Variants in MTRFR observed in about 807,000 individuals in gnomAD.
The protein encoded by MTRFR is probable peptide chain release factor C12orf65, mitochondrial.
Under a neutral mutation model 11.9 loss-of-function variants are expected in MTRFR, and 10 were observed. That is an observed-to-expected ratio of 0.84 (90% CI 0.52 to 1.42). The LOEUF is 1.42. Among genes scored for constraint, MTRFR ranks in the 40% most tolerant of loss-of-function variants. MTRFR has a pLI of 0.00. For synonymous variants in MTRFR, 77 were observed against 79.1 expected (o/e 0.97, Z 0.14); for missense variants, 196 against 197.9 (o/e 0.99, Z 0.06).
In MTRFR at chr12:123,257,037, G is replaced by T. The variant is rs903846190; in HGVS notation, c.*6G>T. 1 of 1,605,214 alleles carries T rather than the reference G, an allele frequency of 6.2e-7. No individual in the cohort carries two copies. The highest frequency in any genetic ancestry group is 1.3e-5 in the African/African-American group (1 of 74,642). ...CAAGTAAAAAGGTCCACTGAGAAAA[G>T]AATTAGAGATTCCAACTGACAGAAT... On this transcript the variant is annotated 3_prime_UTR_variant, in exon 3 of 3. Transcript: ENST00000253233.
chr12:123,249,871 G>A (rs1197516147), intron 1 of MTRFR: 1 of 152,240 alleles, frequency 6.6e-6, no homozygotes, highest in Admixed American at 6.5e-5. Flanking sequence ...AGATCTTTTT[G>A]CAATGGATTT....
rs553467837 is a variant in MTRFR at position 123,245,187 on chromosome 12, C to T, written c.-28-8460C>T. Among the ~76,000 whole-genome samples, 16 of 152,180 alleles carry T rather than the reference C, an allele frequency of 1.1e-4. No individual in the cohort carries two copies. The East Asian group carries it at 1.7e-3, about 17-fold the overall frequency. ...TCCTGACCTCGTGATCCACCCTCCT[C>T]GGCCTCCCAAAGTGCTGGGATTACA... On this transcript the variant is annotated intron_variant, in intron 1 of 2. Coordinates refer to ENST00000253233, the MANE Select transcript of MTRFR (RefSeq NM_152269.5).
chr12:123,235,471 TCTC>T (rs1215020256), intron 1 of MTRFR, among the ~76,000 whole-genome samples: 8 of 151,776 alleles, frequency 5.3e-5, no homozygotes, highest in Non-Finnish European at 1.2e-4. Flanking sequence ...TTCACGCCAT[TCTC>T]CTGCCTTAGC....
chr12:123,253,405 T>G (rs1036463435), intron 1 of MTRFR: 35 of 449,392 alleles, frequency 7.8e-5, no homozygotes, highest in African/African-American at 7.0e-4. Context: ...AAGATATTTT[T>G]GGTCTATTGC....
chr12:123,253,578 T>A, intron 1 of MTRFR, 69 bp from the exon 2 acceptor site: 1 of 1,493,282 alleles, frequency 6.7e-7, no homozygotes, highest in Non-Finnish European at 9.3e-7. Flanking sequence ...AAAGCTGTCT[T>A]TGAATCTGAA....
chr12:123,254,031 G>A (rs1392048724), intron 2 of MTRFR, 75 bp downstream of exon 2: 2 of 1,562,228 alleles, frequency 1.3e-6, no homozygotes, highest in Non-Finnish European at 1.7e-6. Context: ...TCTCCCAAGT[G>A]TGAATGGGAT....
At chr12:123,250,727 A>G (rs1292708595) in intron 1 of MTRFR, 1 of 152,268 alleles carries the variant, frequency 6.6e-6, no homozygotes, top group African/African-American at 2.4e-5. Context: ...TCTCTCAGCC[A>G]TGGCTACCAG....
In MTRFR at chr12:123,233,487, G is replaced by C. The variant is rs1052199946; in HGVS notation, c.-73G>C. On this transcript the variant is annotated 5_prime_UTR_variant, in exon 1 of 3. Coordinates refer to ENST00000253233, the MANE Select transcript of MTRFR (RefSeq NM_152269.5). ...GCGAATCCTCCGCTGAGGTGATTTGGATATCCCTAGAACGTTGAGGGCACG... is the reference window on the plus strand; with the variant it reads ...GCGAATCCTCCGCTGAGGTGATTTGCATATCCCTAGAACGTTGAGGGCACG... The C allele has an allele frequency of 1.3e-5, 2 of 152,258 alleles. No homozygotes were observed. The highest frequency in any genetic ancestry group is 3.8e-4 in the East Asian group (2 of 5,204). The allele number at this position is 152,258 out of a possible 1,614,324, so 9.4% of individuals were successfully genotyped here.
intron 1 of MTRFR, among the ~76,000 whole-genome samples, chr12:123,240,872 C>T (rs1489805479): frequency 6.6e-6 from 1 of 151,390 alleles, no homozygotes; most frequent in Admixed American, 6.6e-5. Flanking sequence ...ACCACTGCAC[C>T]CAGCTAATTT....
chr12:123,255,673 G>A (rs909996680), intron 2 of MTRFR, among the ~76,000 whole-genome samples: 15 of 152,226 alleles, frequency 9.9e-5, no homozygotes, highest in African/African-American at 3.6e-4. Context: ...TGCCCAGGCT[G>A]GAGTGCAGTG....
chr12:123,235,200 G>A (rs546532315), intron 1 of MTRFR, among the ~76,000 whole-genome samples: 100 of 152,242 alleles, frequency 6.6e-4, no homozygotes, highest in Admixed American at 2.5e-3. Context: ...GATTTTGTTC[G>A]CACTCTAGGT....
chr12:123,244,125 C>G (rs1382076191), intron 1 of MTRFR: 1 of 152,056 alleles, frequency 6.6e-6, no homozygotes, highest in Non-Finnish European at 1.5e-5. Context: ...TCATATGAGG[C>G]AGTTGCTTAA....
chr12:123,250,272 C>T (rs1255311393), intron 1 of MTRFR: 1 of 152,108 alleles, frequency 6.6e-6, no homozygotes, highest in East Asian at 1.9e-4. Context: ...TGATTTCTCC[C>T]TTCACTTCTT....
At chr12:123,244,354 C>G (rs930211859) in intron 1 of MTRFR, among the ~76,000 whole-genome samples, 1 of 152,156 alleles carries the variant, frequency 6.6e-6, no homozygotes, top group Admixed American at 6.5e-5. Flanking sequence ...ATCACTTGAA[C>G]CCAGGAGGCA....
At chr12:123,255,605 C>G (rs1470526472) in intron 2 of MTRFR, among the ~76,000 whole-genome samples, 2 of 151,938 alleles carry the variant, frequency 1.3e-5, no homozygotes, top group Non-Finnish European at 2.9e-5. Context: ...TGCAGGCATG[C>G]CCCACCACAC....
At chr12:123,234,660 G>A (rs2047809710) in intron 1 of MTRFR, among the ~76,000 whole-genome samples, 1 of 152,222 alleles carries the variant, frequency 6.6e-6, no homozygotes, top group Admixed American at 6.5e-5. Flanking sequence ...GCCACCCAAA[G>A]TGCTGGGATT....
intron 1 of MTRFR, chr12:123,243,771 G>A (rs1027263699): frequency 4.6e-5 from 7 of 152,186 alleles, no homozygotes; most frequent in Non-Finnish European, 7.3e-5. Context: ...CTCTAAAGGT[G>A]ACCAGTGTCA....
At chr12:123,239,624 G>A (rs1357161430) in intron 1 of MTRFR, among the ~76,000 whole-genome samples, 1 of 152,046 alleles carries the variant, frequency 6.6e-6, no homozygotes, top group South Asian at 2.1e-4. Context: ...GGATGGTCTC[G>A]ATCTCCTGAC....
intron 1 of MTRFR, among the ~76,000 whole-genome samples, chr12:123,251,814 T>A (rs2048115716): frequency 6.6e-6 from 1 of 152,214 alleles, no homozygotes; most frequent in South Asian, 2.1e-4. Flanking sequence ...TGCATGCTGC[T>A]CTGTCTGAAG....
Sources: gnomAD v4.1 joint callset for allele counts (sites outside exome capture counted in the v4.1 genomes callset) on GRCh38, gnomAD v4.1.1 for gene constraint, MANE v1.5 for transcripts, NCBI Gene and HGNC (gene_info 2026-07-23, HGNC 2026-07-21) for gene names.